The following CUL1 variants were observed in gnomAD, a reference collection of about 807,000 sequenced individuals.
CUL1 encodes the protein cullin 1, also known as cullin-1.
CUL1 carries 24 observed loss-of-function variants against 118.0 expected under a neutral mutation model. That is an observed-to-expected ratio of 0.20 (90% CI 0.15 to 0.29). The LOEUF (loss-of-function observed/expected upper bound fraction) is 0.29. Among genes scored for constraint, CUL1 ranks in the 10% least tolerant of loss-of-function variants. CUL1 has a pLI of 1.00. For missense variants in CUL1, 361 were observed against 933.8 expected (o/e 0.39, Z 7.99); for synonymous variants, 332 against 340.4 (o/e 0.98, Z 0.27).
intron 7 of CUL1, among the ~76,000 whole-genome samples, chr7:148,765,137 GT>G (rs758548117): frequency 1.3e-5 from 2 of 152,144 alleles, no homozygotes; most frequent in African/African-American, 2.4e-5. Flanking sequence ...TATTTTCCAA[GT>G]TTATTTTTCA....
intron 7 of CUL1, among the ~76,000 whole-genome samples, chr7:148,763,223 T>C (rs1799896411): frequency 6.6e-6 from 1 of 151,990 alleles, no homozygotes; most frequent in Non-Finnish European, 1.5e-5. Flanking sequence ...TCCAATGGCC[T>C]CGATGTTTTC....
At chr7:148,770,502 C>T (rs1800172192) in intron 9 of CUL1, among the ~76,000 whole-genome samples, 4 of 152,176 alleles carry the variant, frequency 2.6e-5, no homozygotes, top group South Asian at 2.1e-4. Context: ...GTAAAATGTT[C>T]GGGAAAGCAA....
At chr7:148,782,309 C>T (rs1800667497) in intron 9 of CUL1, among the ~76,000 whole-genome samples, 1 of 152,136 alleles carries the variant, frequency 6.6e-6, no homozygotes, top group South Asian at 2.1e-4. Flanking sequence ...CTTGGAGGTG[C>T]TTTTGGTTCA....
chr7:148,766,626 T>C lies in CUL1; in HGVS notation c.855T>C (p.Asp285=). The C allele has an allele frequency of 6.2e-7, 1 of 1,613,870 alleles. No homozygotes were observed. Among genetic ancestry groups the C allele is most frequent in the Non-Finnish European group, 8.5e-7 (1 of 1,179,898 alleles). Residue 285 remains aspartate (D), a synonymous_variant, in exon 8 of 22, where the codon GAT becomes GAC. Transcript: ENST00000325222. Reference sequence around the variant, plus strand: ...TTTACCTTCATGAAAGCACACAAGATGAATTAGCAAGGAAATGTGAACAAG... The same window carrying C: ...TTTACCTTCATGAAAGCACACAAGACGAATTAGCAAGGAAATGTGAACAAG... ...VQVYLHESTQ[D]ELARKCEQVL...
chr7:148,726,807 G>T (rs1798598536), intron 1 of CUL1, among the ~76,000 whole-genome samples: 1 of 143,710 alleles, frequency 7.0e-6, no homozygotes, highest in Admixed American at 7.1e-5. Flanking sequence ...AGCACATAAA[G>T]TAACATGACG....
intron 1 of CUL1, among the ~76,000 whole-genome samples, chr7:148,724,261 G>A (rs1309107545): frequency 6.6e-6 from 1 of 152,184 alleles, no homozygotes; most frequent in African/African-American, 2.4e-5. Context: ...GAATTGTTAG[G>A]GAGCTTGTTT....
Position 148,800,600 on chromosome 7 carries a change from G to A in CUL1, c.*18G>A. 6.4e-7 allele frequency: 1 copy of A among 1,554,278 alleles called. No individual in the cohort carries two copies. Among genetic ancestry groups the A allele is most frequent in the Non-Finnish European group, 8.9e-7 (1 of 1,126,558 alleles). On this transcript the variant is annotated 3_prime_UTR_variant, in exon 22 of 22. Coordinates refer to ENST00000325222, the MANE Select transcript of CUL1 (RefSeq NM_003592.3). The surrounding 1 kb of genome is among the most constrained non-coding windows in gnomAD (Gnocchi z 4.6). Reference sequence around the variant, plus strand: ...TGGCTTAACCCTTCTGGAAGGGTCTGACTGTGTGACCCGCAGCAAATAGTT... The same window carrying A: ...TGGCTTAACCCTTCTGGAAGGGTCTAACTGTGTGACCCGCAGCAAATAGTT...
intron 1 of CUL1, among the ~76,000 whole-genome samples, chr7:148,709,140 G>A (rs1430680323): frequency 6.6e-6 from 1 of 152,170 alleles, no homozygotes; most frequent in Non-Finnish European, 1.5e-5. Flanking sequence ...CTCTCTTGGC[G>A]GCAGTGAATG....
intron 2 of CUL1, 30 bp from the exon 3 acceptor site, chr7:148,753,946 A>T: frequency 6.6e-7 from 1 of 1,523,818 alleles, no homozygotes; most frequent in South Asian, 1.2e-5. Flanking sequence ...CGTCTGTGAT[A>T]TATGTTGGTT....
chr7:148,783,464 T>C (rs1201092090), intron 9 of CUL1: 18 of 1,214,950 alleles, frequency 1.5e-5, no homozygotes, highest in Middle Eastern at 3.7e-4. Flanking sequence ...CAAGGAGGAA[T>C]TGGCAAAGCA....
chr7:148,699,317 T>C (rs1368236089), intron 1 of CUL1, among the ~76,000 whole-genome samples: 2 of 150,966 alleles, frequency 1.3e-5, no homozygotes, highest in Non-Finnish European at 3.0e-5. Flanking sequence ...AAAAGCACGA[T>C]TCATCGCGCC....
intron 7 of CUL1, among the ~76,000 whole-genome samples, chr7:148,765,555 C>G (rs1379648285): frequency 3.9e-5 from 6 of 152,068 alleles, no homozygotes; most frequent in Non-Finnish European, 5.9e-5. Flanking sequence ...CACTTGAGCC[C>G]AGGAGTTTGA....
intron 7 of CUL1, among the ~76,000 whole-genome samples, chr7:148,765,061 G>A (rs1799962204): frequency 6.6e-6 from 1 of 152,050 alleles, no homozygotes; most frequent in Non-Finnish European, 1.5e-5. Context: ...TTATTTGGTT[G>A]TACTCACTGC....
intron 9 of CUL1, chr7:148,783,423 C>G (rs1800714265): frequency 5.1e-6 from 5 of 985,464 alleles, no homozygotes; most frequent in Non-Finnish European, 6.0e-6. Context: ...CCTTCTCCAG[C>G]TGAAACAGAG....
chr7:148,783,243 C>T (rs899354394), intron 9 of CUL1: 1 of 771,610 alleles, frequency 1.3e-6, no homozygotes, highest in Non-Finnish European at 1.6e-6. Context: ...GCGCCGCGCT[C>T]CGCCCCTCTT....
intron 1 of CUL1, among the ~76,000 whole-genome samples, chr7:148,722,827 C>T (rs1798438128): frequency 6.6e-6 from 1 of 152,230 alleles, no homozygotes; most frequent in African/African-American, 2.4e-5. Context: ...CTGTGGCACT[C>T]CCACAGTGCC....
intron 2 of CUL1, among the ~76,000 whole-genome samples, chr7:148,736,674 G>A (rs1410029513): frequency 1.3e-5 from 2 of 152,178 alleles, no homozygotes; most frequent in East Asian, 3.8e-4. Context: ...GGAAATAGTT[G>A]TATTCAAAAT....
rs141653584 is a variant in CUL1 at position 148,718,283 on chromosome 7, T to C, written c.-161-11679T>C. 5.3e-5 allele frequency among the ~76,000 whole-genome samples: 8 copies of C among 152,322 alleles called. No homozygotes were observed. The East Asian group carries it at 1.5e-3, about 29-fold the overall frequency. On this transcript the variant is annotated intron_variant, in intron 1 of 21. Coordinates refer to ENST00000325222, the MANE Select transcript of CUL1 (RefSeq NM_003592.3). ...TTAAAATGTATAATTCAGTGATGTT[T>C]AGTAAAGTTAGAGTTGTGTGGCCAT...
intron 9 of CUL1, among the ~76,000 whole-genome samples, chr7:148,780,516 G>A (rs1028735797): frequency 6.6e-6 from 1 of 152,238 alleles, no homozygotes; most frequent in East Asian, 1.9e-4. Context: ...GGTGAGTGGT[G>A]GCACTTGCCG....
Sources: allele counts gnomAD v4.1 joint callset (sites outside exome capture counted in the v4.1 genomes callset), GRCh38; gene constraint gnomAD v4.1.1; non-coding constraint Gnocchi (gnomAD v3.1); transcripts MANE v1.5; gene names NCBI Gene and HGNC (gene_info 2026-07-23, HGNC 2026-07-21).